Variants in COL4A2 observed in about 807,000 individuals in gnomAD.
COL4A2 encodes collagen alpha-2(IV) chain.
In COL4A2, 99 loss-of-function variants were observed where a neutral mutation model predicts 200.2. The observed-to-expected ratio is 0.49, with a 90% CI of 0.42 to 0.58. COL4A2 has a LOEUF of 0.58. Among genes scored for constraint, COL4A2 ranks in the 20% least tolerant of loss-of-function variants. The pLI, the probability that COL4A2 is intolerant of heterozygous loss-of-function variation, is 0.00. For missense variants in COL4A2, 1,950 were observed against 2,314.1 expected, an observed-to-expected ratio of 0.84 and a Z score of 3.23; for synonymous variants, 897 against 900.6, an observed-to-expected ratio of 1.00 and a Z score of 0.07.
At chr13:110,387,858 C>T (rs894822756) in intron 4 of COL4A2, among the ~76,000 whole-genome samples, 3 of 152,222 alleles carry the variant, frequency 2.0e-5, no homozygotes, top group Non-Finnish European at 2.9e-5. Flanking sequence ...GAGCTCTGAC[C>T]TGCCCTGGCT....
intron 20 of COL4A2, among the ~76,000 whole-genome samples, chr13:110,452,366 G>A (rs1019489277): frequency 2.0e-5 from 3 of 152,206 alleles, no homozygotes; most frequent in African/African-American, 7.2e-5. Flanking sequence ...GTTTCACCAT[G>A]TTATCCAGGA....
At chr13:110,364,621 T>C (rs1038178130) in intron 4 of COL4A2, among the ~76,000 whole-genome samples, 3 of 152,180 alleles carry the variant, frequency 2.0e-5, no homozygotes, top group Non-Finnish European at 2.9e-5. Flanking sequence ...TCAGAAAATA[T>C]TCTTTTTGTG....
chr13:110,437,426 C>G (rs9521758), intron 13 of COL4A2, among the ~76,000 whole-genome samples: 55,715 of 152,054 alleles, frequency 0.37, 11,242 homozygotes, highest in African/African-American at 0.54. Context: ...GCAGTTGTGT[C>G]CTGCAGGAAT....
In COL4A2 at chr13:110,472,942, C is replaced by T. The variant is rs1882534884; in HGVS notation, c.2217C>T (p.Pro739=). The T allele has an allele frequency of 1.3e-6, 2 of 1,556,634 alleles. No homozygotes were observed. Among genetic ancestry groups the T allele is most frequent in the African/African-American group, 1.4e-5 (1 of 73,388 alleles). The change falls in exon 29 of 48, where the codon CCC becomes CCT. Residue 739 remains proline (P), a synonymous_variant. Transcript: ENST00000360467. ...GTTTCCTTTTAGGGTTCATAGGACC[C>T]CGAGGATCCAAAGGTGCAGTGGGCC... ...GFPGPPGFIG[P]RGSKGAVGLP...
chr13:110,368,848 A>AGG (rs71775039), intron 4 of COL4A2, among the ~76,000 whole-genome samples: 2 of 126,768 alleles, frequency 1.6e-5, no homozygotes, highest in Non-Finnish European at 3.4e-5. Flanking sequence ...GCCAAAGAAA[A>AGG]GGGGGGGGGG....
intron 20 of COL4A2, among the ~76,000 whole-genome samples, chr13:110,455,908 C>CTTTTAA (rs1448647806): frequency 6.6e-6 from 1 of 152,182 alleles, no homozygotes; most frequent in Non-Finnish European, 1.5e-5. Context: ...AGCAACATGC[C>CTTTTAA]TTTTAATTTG....
At chr13:110,493,062 CGATGAGTGACACCCCCATGGGT>C in intron 38 of COL4A2, 127 bp from the exon 39 acceptor site, 279 of 865,950 alleles carry the variant, frequency 3.2e-4, no homozygotes, top group South Asian at 1.3e-3. Context: ...GGTGAAATAA[CGATGAGTGACACCCCCATGGGT>C]GAAATAACGA....
chr13:110,327,866 AGCTTTG>A (rs1875699712), intron 3 of COL4A2, among the ~76,000 whole-genome samples: 1 of 152,240 alleles, frequency 6.6e-6, no homozygotes, highest in Non-Finnish European at 1.5e-5. Context: ...GACTGTAAAC[AGCTTTG>A]CAACTCTTCG....
intron 4 of COL4A2, among the ~76,000 whole-genome samples, chr13:110,399,125 G>A (rs1594191833): frequency 6.6e-6 from 1 of 152,120 alleles, no homozygotes. Flanking sequence ...GGAATGAAAG[G>A]GCATTGGGGA....
At chr13:110,437,126 TGG>T (rs1221583039) in intron 13 of COL4A2, among the ~76,000 whole-genome samples, 1 of 152,214 alleles carries the variant, frequency 6.6e-6, no homozygotes, top group Non-Finnish European at 1.5e-5. Flanking sequence ...TTGAGCAGGG[TGG>T]GGCTTGGGTC....
chr13:110,325,317 C>T (rs750405639), intron 3 of COL4A2, among the ~76,000 whole-genome samples: 10 of 152,180 alleles, frequency 6.6e-5, no homozygotes, highest in Non-Finnish European at 1.3e-4. Flanking sequence ...CATTCCTCCC[C>T]ACCTGTTACC....
intron 32 of COL4A2, among the ~76,000 whole-genome samples, chr13:110,484,590 CCTT>C (rs1221388501): frequency 2.0e-5 from 3 of 152,138 alleles, no homozygotes; most frequent in South Asian, 4.1e-4. Flanking sequence ...AACAAAATGA[CCTT>C]CTCACAAAGC....
intron 11 of COL4A2, among the ~76,000 whole-genome samples, chr13:110,432,860 T>A: frequency 6.6e-6 from 1 of 152,220 alleles, no homozygotes; most frequent in East Asian, 1.9e-4. Flanking sequence ...ACTGTTTTCA[T>A]CCCAGAAAGG....
At chr13:110,308,181 G>A (rs1884855163) in intron 3 of COL4A2, 58 bp downstream of exon 3, 13 of 1,600,790 alleles carry the variant, frequency 8.1e-6, no homozygotes, top group Non-Finnish European at 9.4e-6. Flanking sequence ...GGACGTTTGA[G>A]TGGCCTTGGA....
chr13:110,350,485 G>A (rs1876908904), intron 3 of COL4A2, among the ~76,000 whole-genome samples: 2 of 152,196 alleles, frequency 1.3e-5, no homozygotes, highest in South Asian at 4.1e-4. Flanking sequence ...TGCAGCACAG[G>A]TCACAGAGGT....
intron 22 of COL4A2, chr13:110,459,419 CTG>C (rs1270441735): frequency 6.5e-6 from 1 of 152,994 alleles, no homozygotes; most frequent in East Asian, 1.9e-4. Context: ...CCATACCACA[CTG>C]TGGATGAACC....
intron 3 of COL4A2, among the ~76,000 whole-genome samples, chr13:110,354,324 A>G (rs1221567788): frequency 6.6e-6 from 1 of 152,196 alleles, no homozygotes; most frequent in African/African-American, 2.4e-5. Flanking sequence ...CAGCCCATCT[A>G]GTCTTGAGCT....
At chr13:110,378,502 G>T (rs1878336569) in intron 4 of COL4A2, among the ~76,000 whole-genome samples, 1 of 152,174 alleles carries the variant, frequency 6.6e-6, no homozygotes, top group African/African-American at 2.4e-5. Flanking sequence ...CGCCTCAGGA[G>T]ATTCTCTGAG....
intron 4 of COL4A2, among the ~76,000 whole-genome samples, chr13:110,363,582 G>A (rs1390473781): frequency 1.3e-5 from 2 of 152,130 alleles, no homozygotes; most frequent in East Asian, 1.9e-4. Flanking sequence ...GCTCAGAGGG[G>A]TCATCTTGAG....
Sources: gnomAD v4.1 joint callset for allele counts (sites outside exome capture counted in the v4.1 genomes callset) on GRCh38, gnomAD v4.1.1 for gene constraint, MANE v1.5 for transcripts, NCBI Gene and HGNC (gene_info 2026-07-23, HGNC 2026-07-21) for gene names.